GABRG3: variants seen among roughly 807,000 people sequenced by gnomAD.
GABRG3 encodes gamma-aminobutyric acid receptor subunit gamma-3.
Under a neutral mutation model 48.8 loss-of-function variants are expected in GABRG3, and 25 were observed. The ratio of observed to expected loss-of-function variants is 0.51; its 90% confidence interval spans 0.37 to 0.72. The LOEUF is 0.72. GABRG3 is among the 30% of genes least tolerant of loss of function. The pLI, the probability that GABRG3 is intolerant of heterozygous loss-of-function variation, is 0.00. For synonymous variants in GABRG3, 227 were observed against 217.6 expected, an observed-to-expected ratio of 1.04 and a Z score of -0.38; for missense variants, 394 against 577.9, an observed-to-expected ratio of 0.68 and a Z score of 3.26.
At chr15:27,388,247 A>AAGG (rs1566818146) in intron 5 of GABRG3, among the ~76,000 whole-genome samples, 1 of 17,504 alleles carries the variant, frequency 5.7e-5, no homozygotes, top group Non-Finnish European at 1.2e-4. Flanking sequence ...GGAGGGAGGA[A>AAGG]AGGAAGGAAG....
intron 3 of GABRG3, among the ~76,000 whole-genome samples, chr15:27,116,766 C>T (rs976352596): frequency 2.0e-5 from 3 of 152,196 alleles, no homozygotes; most frequent in South Asian, 2.1e-4. Context: ...AGGTTTCACA[C>T]AGCATTTGGC....
intron 3 of GABRG3, among the ~76,000 whole-genome samples, chr15:27,204,280 C>T (rs1461053749): frequency 6.6e-6 from 1 of 152,070 alleles, no homozygotes; most frequent in Non-Finnish European, 1.5e-5. Flanking sequence ...AGCAAGTTAT[C>T]CTAACACCAT....
intron 3 of GABRG3, chr15:27,295,082 G>A (rs1427891069): frequency 6.6e-6 from 1 of 152,300 alleles, no homozygotes; most frequent in East Asian, 1.9e-4. Flanking sequence ...GGGGAAAAGA[G>A]TTCCATTCAT....
At chr15:27,532,019 A>G (rs907127922) in intron 9 of GABRG3, among the ~76,000 whole-genome samples, 2 of 152,176 alleles carry the variant, frequency 1.3e-5, no homozygotes, top group African/African-American at 4.8e-5. Context: ...GGATCCTCTC[A>G]TCATTCCTGC....
At chr15:27,425,483 C>A (rs1036017326) in intron 5 of GABRG3, among the ~76,000 whole-genome samples, 2 of 148,272 alleles carry the variant, frequency 1.3e-5, no homozygotes, top group African/African-American at 5.0e-5. Context: ...TGGTGGTGGG[C>A]GCCTGTAGTC....
chr15:27,125,875 A>G (rs1897811364), intron 3 of GABRG3, among the ~76,000 whole-genome samples: 1 of 152,234 alleles, frequency 6.6e-6, no homozygotes, highest in African/African-American at 2.4e-5. Flanking sequence ...GCAAACACCA[A>G]ATGAAACACC....
chr15:27,343,840 C>A (rs1445660377), intron 5 of GABRG3, among the ~76,000 whole-genome samples: 1 of 152,156 alleles, frequency 6.6e-6, no homozygotes, highest in African/African-American at 2.4e-5. Flanking sequence ...GCCAAACAAT[C>A]CAATTATTAT....
At chr15:27,109,771 A>G (rs2140369740) in intron 3 of GABRG3, among the ~76,000 whole-genome samples, 1 of 152,196 alleles carries the variant, frequency 6.6e-6, no homozygotes, top group African/African-American at 2.4e-5. Flanking sequence ...GGTCCCAGCT[A>G]CTCGGGAGGC....
chr15:27,334,437 G>A (rs561191875), intron 5 of GABRG3, among the ~76,000 whole-genome samples: 259 of 152,194 alleles, frequency 1.7e-3, no homozygotes, highest in African/African-American at 6.0e-3. Flanking sequence ...TTTAAATTAT[G>A]TACTAGATTA....
At chr15:27,480,316 G>C (rs960578909) in intron 5 of GABRG3, among the ~76,000 whole-genome samples, 2 of 152,164 alleles carry the variant, frequency 1.3e-5, no homozygotes, top group Admixed American at 6.5e-5. Flanking sequence ...TCAGAGTCTG[G>C]GAGCCATTGA....
chr15:27,466,841 G>A (rs1889628007), intron 5 of GABRG3, among the ~76,000 whole-genome samples: 1 of 152,214 alleles, frequency 6.6e-6, no homozygotes, highest in South Asian at 2.1e-4. Context: ...AAGGGCTGGA[G>A]ACCCATAGAG....
chr15:27,090,028 T>TGTTTTCAGTTC (rs1897158195), intron 3 of GABRG3, among the ~76,000 whole-genome samples: 1 of 152,254 alleles, frequency 6.6e-6, no homozygotes, highest in Non-Finnish European at 1.5e-5. Context: ...AGTTTTTGTT[T>TGTTTTCAGTTC]GAACACCTGT....
chr15:27,414,678 C>A (rs1006304390), intron 5 of GABRG3, among the ~76,000 whole-genome samples: 5 of 152,152 alleles, frequency 3.3e-5, no homozygotes, highest in African/African-American at 1.2e-4. Flanking sequence ...ACTAAGTTAT[C>A]TGGCATCACA....
At chr15:27,139,472 A>G (rs374733622) in intron 3 of GABRG3, among the ~76,000 whole-genome samples, 4 of 152,092 alleles carry the variant, frequency 2.6e-5, no homozygotes, top group African/African-American at 9.7e-5. Flanking sequence ...TTCTCCATTC[A>G]CTGATTCAAA....
At chr15:27,309,023 A>G (rs1238368172) in intron 3 of GABRG3, among the ~76,000 whole-genome samples, 3 of 150,580 alleles carry the variant, frequency 2.0e-5, no homozygotes, top group Non-Finnish European at 3.0e-5. Flanking sequence ...ATGTTTATAT[A>G]GAAACATAAT....
At chr15:27,092,310 G>T (rs1042687378) in intron 3 of GABRG3, among the ~76,000 whole-genome samples, 3 of 152,182 alleles carry the variant, frequency 2.0e-5, no homozygotes, top group Non-Finnish European at 2.9e-5. Context: ...TATAAAGAAT[G>T]CTTCTTTGTG....
chr15:27,261,868 G>T (rs1890778806), intron 3 of GABRG3, among the ~76,000 whole-genome samples: 1 of 152,064 alleles, frequency 6.6e-6, no homozygotes, highest in Non-Finnish European at 1.5e-5. Context: ...GAGAGTTTAG[G>T]CCAATAATAA....
intron 3 of GABRG3, among the ~76,000 whole-genome samples, chr15:27,088,939 A>AT (rs981188440): frequency 2.0e-5 from 3 of 151,920 alleles, no homozygotes; most frequent in African/African-American, 7.2e-5. Context: ...AAGGAGGGGA[A>AT]TGGGGCTGTG....
chr15:27,109,535 G>A (rs894376236), intron 3 of GABRG3, among the ~76,000 whole-genome samples: 2 of 152,038 alleles, frequency 1.3e-5, no homozygotes, highest in Admixed American at 6.6e-5. Context: ...TTTTCCTGTC[G>A]CCATAGTTTT....
Sources: allele counts gnomAD v4.1 joint callset (sites outside exome capture counted in the v4.1 genomes callset), GRCh38; gene constraint gnomAD v4.1.1; transcripts MANE v1.5; gene names NCBI Gene and HGNC (gene_info 2026-07-23, HGNC 2026-07-21).